SLC12A5: variants seen among roughly 807,000 people sequenced by gnomAD.
SLC12A5 encodes solute carrier family 12 member 5.
A neutral mutation model predicts 124.0 loss-of-function variants in SLC12A5; 18 were observed. The ratio of observed to expected loss-of-function variants is 0.15; its 90% CI spans 0.10 to 0.22. The LOEUF (loss-of-function observed/expected upper bound fraction) is 0.22. Among genes scored for constraint, SLC12A5 ranks in the 10% least tolerant of loss-of-function variants. SLC12A5 has a pLI of 1.00. For missense variants in SLC12A5, 867 were observed against 1,478.7 expected (o/e 0.59, Z 6.78); for synonymous variants, 589 against 568.0 (o/e 1.04, Z -0.53).
intron 14 of SLC12A5, 93 bp from the exon 15 acceptor site, chr20:46,047,361 A>G (rs999742395): frequency 1.9e-6 from 3 of 1,545,636 alleles, no homozygotes; most frequent in African/African-American, 1.4e-5. Context: ...GGTCTTGCCC[A>G]TGCCCTGCCC....
At chr20:46,054,546 A>G (rs569640837) in intron 20 of SLC12A5, among the ~76,000 whole-genome samples, 1 of 152,288 alleles carries the variant, frequency 6.6e-6, no homozygotes, top group Admixed American at 6.5e-5. Context: ...TGAAGTATTC[A>G]TTCACTCACT....
chr20:46,052,457 T>C (rs888633472), intron 18 of SLC12A5, among the ~76,000 whole-genome samples: 1 of 152,196 alleles, frequency 6.6e-6, no homozygotes, highest in African/African-American at 2.4e-5. Flanking sequence ...CCCAGCACTT[T>C]GGGAAGCCAA....
upstream of SLC12A5, among the ~76,000 whole-genome samples, chr20:46,028,579 C>T (rs1600585230): frequency 6.6e-6 from 1 of 152,274 alleles, no homozygotes; most frequent in East Asian, 1.9e-4. Context: ...AGCCCAGTGA[C>T]CTGAACGCCC....
chr20:46,041,927 G>C (rs1405708001), intron 8 of SLC12A5, among the ~76,000 whole-genome samples: 5 of 125,984 alleles, frequency 4.0e-5, no homozygotes, highest in African/African-American at 1.2e-4. Flanking sequence ...GAGAATGCCC[G>C]GGGGGGGAGA....
Position 46,060,031 on chromosome 20 carries a change from GGGTT to G in SLC12A5, c.*2431_*2434del, listed in dbSNP as rs2084739826. ...TCTTTGTGCCAATATGAAAAGGAGA[GGGTT>G]GGTTCTTTCCTTTATTGTTGAATGC... On this transcript the variant is annotated 3_prime_UTR_variant, in exon 26 of 26. Transcript: ENST00000243964. 1.2e-5 allele frequency: 2 copies of G among 170,102 alleles called. No individual in the cohort carries two copies. Among genetic ancestry groups the G allele is most frequent in the Non-Finnish European group, 1.3e-5 (1 of 79,962 alleles). The allele number at this position is 170,102 out of a possible 1,614,324, so 10.5% of individuals were successfully genotyped here. A position where few individuals can be genotyped will look rare whatever the true frequency, so the allele number is the denominator to read the frequency against.
chr20:46,024,830 A>C (rs1244477249), upstream of SLC12A5, among the ~76,000 whole-genome samples: 1 of 152,200 alleles, frequency 6.6e-6, no homozygotes, highest in East Asian at 1.9e-4. Context: ...ACAGAAGTAG[A>C]CCTGGTGACA....
Position 46,056,380 on chromosome 20 carries a change from G to C in SLC12A5, c.2926G>C (p.Asp976His), listed in dbSNP as rs765995687. 6.2e-7 allele frequency: 1 copy of C among 1,611,348 alleles called. No individual in the cohort carries two copies. Among genetic ancestry groups the C allele is most frequent in the Admixed American group, 1.7e-5 (1 of 59,818 alleles). The stretch of plus-strand genomic sequence containing the variant: ...CATCCCTCAGGTGCAGCTGATCCAC[G>C]ATCAGAGTGCTCCCAGCTGCCCCAG... ...KPEEEVQLIH[D>H]QSAPSCPSSS... is the part of the protein sequence containing the mutation. The change falls in exon 23 of 26, where the codon GAT (aspartate) becomes CAT (histidine). Residue 976 changes from aspartate to histidine, a missense_variant. Physicochemically the swap from Asp to His is moderately conservative, Grantham distance 81. Transcript: ENST00000243964. The surrounding 1 kb of genome is among the most constrained non-coding windows in gnomAD (Gnocchi z 4.3).
rs764095132 is a variant in SLC12A5, at chr20:46,048,044, C to A, written c.1971C>A (p.Leu657=). The A allele has an allele frequency of 4.3e-6, 7 of 1,612,944 alleles. No individual in the cohort carries two copies. ...GLSLSAARYA[L]LRLEEGPPHT... Reference sequence around the variant, plus strand: ...CTCTCAGTGCGGCTCGCTATGCCCTCTTACGCCTGGAGGAAGGGCCCCCAC... The same window carrying A: ...CTCTCAGTGCGGCTCGCTATGCCCTATTACGCCTGGAGGAAGGGCCCCCAC... The change falls in exon 16 of 26, where the codon CTC becomes CTA. Residue 657 remains leucine (L), a synonymous_variant. Coordinates refer to ENST00000243964, the MANE Select transcript of SLC12A5 (RefSeq NM_020708.5).
At chr20:46,046,521 G>T (rs776432779) in intron 14 of SLC12A5, 85 bp downstream of exon 14, 51 of 1,247,394 alleles carry the variant, frequency 4.1e-5, no homozygotes, top group Admixed American at 7.5e-5. Flanking sequence ...ATCCCCTCTG[G>T]GTCTAAGGAC....
At chr20:46,044,692 C>G in intron 11 of SLC12A5, 1 of 473,394 alleles carries the variant, frequency 2.1e-6, no homozygotes, top group Non-Finnish European at 3.8e-6. Flanking sequence ...CCACTGGTAC[C>G]ACCAGGCTTC....
In SLC12A5 at chr20:46,059,013, TC is replaced by T; in HGVS notation, c.*1412del. On this transcript the variant is annotated 3_prime_UTR_variant, in exon 26 of 26. Coordinates refer to ENST00000243964, the MANE Select transcript of SLC12A5 (RefSeq NM_020708.5). ...TAACTAGGACCCAGGGCCTTTGGCT[TC>T]CCCAGCTCATCCTTGGCCCTTCCGC... is the stretch of plus-strand genomic sequence containing the variant. 3.0e-6 allele frequency: 1 copy of T among 328,556 alleles called. No homozygotes were observed. The highest frequency in any genetic ancestry group is 5.5e-6 in the Non-Finnish European group (1 of 182,824). 20.4% of individuals were successfully genotyped at this position (328,556 alleles called of 1,614,324 possible).
At chr20:46,051,230 CTTA>C (rs1293594095) in intron 17 of SLC12A5, among the ~76,000 whole-genome samples, 1 of 152,136 alleles carries the variant, frequency 6.6e-6, no homozygotes. Flanking sequence ...CCTTAAAATA[CTTA>C]TTATGCTACT....
chr20:46,045,265 C>A lies in SLC12A5; in HGVS notation c.1569+125C>A. ...CCTCCTGGGCCACTTCTGCTCTGTACTGCACTGGCCAGGCCTATCTGGCAG... is the reference window on the plus strand; with the variant it reads ...CCTCCTGGGCCACTTCTGCTCTGTAATGCACTGGCCAGGCCTATCTGGCAG... On this transcript the variant is annotated intron_variant, in intron 12 of 25. Coordinates refer to ENST00000243964, the MANE Select transcript of SLC12A5 (RefSeq NM_020708.5). This position sits in a 1 kb window ranked among gnomAD's most constrained non-coding sequence, Gnocchi z 4.9. 1 of 1,149,700 alleles carries A rather than the reference C, an allele frequency of 8.7e-7. No homozygotes were observed. The highest frequency in any genetic ancestry group is 1.2e-6 in the Non-Finnish European group (1 of 841,250). 71.2% of individuals were successfully genotyped at this position (1,149,700 alleles called of 1,614,324 possible). A position where few individuals can be genotyped will look rare whatever the true frequency, so the allele number is the denominator to read the frequency against.
intron 7 of SLC12A5, 114 bp from the exon 8 acceptor site, chr20:46,041,215 T>G (rs567007461): frequency 1.6e-4 from 129 of 807,368 alleles, no homozygotes; most frequent in Middle Eastern, 3.7e-4. Flanking sequence ...AACGAGGAAC[T>G]CTGGATATGG....
intron 6 of SLC12A5, 81 bp from the exon 7 acceptor site, chr20:46,040,292 G>A (rs2084533859): frequency 2.5e-6 from 4 of 1,570,606 alleles, no homozygotes; most frequent in Middle Eastern, 2.0e-4. Context: ...GCTGTGATGA[G>A]CATCTTTTTT....
upstream of SLC12A5, among the ~76,000 whole-genome samples, chr20:46,025,807 G>A (rs2084392916): frequency 6.6e-6 from 1 of 152,210 alleles, no homozygotes; most frequent in South Asian, 2.1e-4. Context: ...GGGCATGCGG[G>A]TGGGGAAGAA....
chr20:46,044,939 T>C (rs2084580391), intron 11 of SLC12A5, 27 bp from the exon 12 acceptor site: 1 of 1,613,974 alleles, frequency 6.2e-7, no homozygotes, highest in African/African-American at 1.3e-5. Context: ...ACTGCTCACC[T>C]GGCATCTCCT....
chr20:46,052,686 C>G (rs924561442), intron 18 of SLC12A5, among the ~76,000 whole-genome samples: 2 of 152,198 alleles, frequency 1.3e-5, no homozygotes, highest in South Asian at 2.1e-4. Context: ...ATGATGGGCT[C>G]TTAGTAATCA....
intron 8 of SLC12A5, among the ~76,000 whole-genome samples, chr20:46,042,663 C>T (rs2084558071): frequency 6.6e-6 from 1 of 151,724 alleles, no homozygotes. Flanking sequence ...AGTGGAGAGA[C>T]CTTGGAATGG....
Sources: gnomAD v4.1 joint callset for allele counts (sites outside exome capture counted in the v4.1 genomes callset) on GRCh38, gnomAD v4.1.1 for gene constraint, Gnocchi (gnomAD v3.1) non-coding constraint, MANE v1.5 for transcripts, NCBI Gene and HGNC (gene_info 2026-07-23, HGNC 2026-07-21) for gene names.